The following KIAA0319 variants were observed in gnomAD, a reference collection of about 807,000 sequenced individuals.
KIAA0319 encodes dyslexia-associated protein KIAA0319.
Under a neutral mutation model 108.4 loss-of-function variants are expected in KIAA0319, and 83 were observed. The observed-to-expected ratio is 0.77, with a 90% CI of 0.64 to 0.92. KIAA0319 has a LOEUF of 0.92. KIAA0319 is among the 40% of genes least tolerant of loss of function. KIAA0319 has a pLI of 0.00. For missense variants in KIAA0319, 1,195 were observed against 1,322.4 expected (o/e 0.90, Z 1.49); for synonymous variants, 484 against 510.4 (o/e 0.95, Z 0.70).
chr6:24,572,699 C>T lies in KIAA0319; in HGVS notation c.1735-1G>A, dbSNP rs1561963824. ...AATGAAGGTATGGCGTCTGTACTCC[C>T]TAAGTAATAGCAAATACAAAAATAA... On this transcript the variant is annotated splice_acceptor_variant, in intron 10 of 20. Coordinates refer to ENST00000378214, the MANE Select transcript of KIAA0319 (RefSeq NM_014809.4). LOFTEE classifies it high-confidence loss of function. 6.3e-7 allele frequency: 1 copy of T among 1,599,562 alleles called. No homozygotes were observed. Among genetic ancestry groups the T allele is most frequent in the Non-Finnish European group, 8.5e-7 (1 of 1,175,918 alleles).
intron 16 of KIAA0319, among the ~76,000 whole-genome samples, chr6:24,561,359 G>A (rs1763071895): frequency 6.6e-6 from 1 of 152,092 alleles, no homozygotes; most frequent in African/African-American, 2.4e-5. Flanking sequence ...GAAGCCATCT[G>A]GTCTTGAATT....
intron 19 of KIAA0319, among the ~76,000 whole-genome samples, chr6:24,553,795 C>T (rs534855914): frequency 6.6e-6 from 1 of 152,322 alleles, no homozygotes; most frequent in East Asian, 1.9e-4. Context: ...GTTCAGGGAG[C>T]TTCTGGACAG....
rs1379940065 is a variant in KIAA0319 at position 24,645,811 on chromosome 6, T to A, written c.-181A>T. 1 of 149,668 alleles carries A rather than the reference T, an allele frequency of 6.7e-6. No individual in the cohort carries two copies. Among genetic ancestry groups the A allele is most frequent in the Non-Finnish European group, 1.5e-5 (1 of 68,096 alleles). 9.3% of individuals were successfully genotyped at this position (149,668 alleles called of 1,614,324 possible). ...CCCTGAGCATCACTCGCCGTCCCAC[T>A]TGTTCCTCCTCGTCGTCATCGCAGG... is the stretch of plus-strand genomic sequence containing the variant. On this transcript the variant is annotated 5_prime_UTR_variant, in exon 1 of 21. The change creates a new upstream start codon in the 5' untranslated region. Transcript: ENST00000378214.
chr6:24,554,161 C>T (rs548990904), intron 19 of KIAA0319, among the ~76,000 whole-genome samples: 6 of 152,270 alleles, frequency 3.9e-5, no homozygotes, highest in African/African-American at 1.4e-4. Context: ...TTGGAGGACA[C>T]CCAGCTGGTG....
intron 1 of KIAA0319, among the ~76,000 whole-genome samples, chr6:24,623,953 T>C (rs1034694503): frequency 5.9e-5 from 9 of 151,604 alleles, no homozygotes; most frequent in Non-Finnish European, 1.2e-4. Flanking sequence ...TTAAAAACTT[T>C]AATATATACA....
chr6:24,607,432 G>GTT (rs771155351), intron 1 of KIAA0319, among the ~76,000 whole-genome samples: 4 of 148,420 alleles, frequency 2.7e-5, no homozygotes, highest in Admixed American at 2.7e-4. Flanking sequence ...TTGTTTTTCG[G>GTT]TTTTTTTTTT....
In KIAA0319 at chr6:24,599,688, T is replaced by A. The variant is rs1009908617; in HGVS notation, c.55+1361A>T. 2.5e-5 allele frequency: 15 copies of A among 605,980 alleles called. No individual in the cohort carries two copies. Among genetic ancestry groups the A allele is most frequent in the Non-Finnish European group, 4.0e-5 (13 of 327,810 alleles). The allele number at this position is 605,980 out of a possible 1,614,324, so 37.5% of individuals were successfully genotyped here. ...CTTTGGCTCTGGCGGGTGCTCCAGC[T>A]CCTTCAGCAGCACCAACTCCTTCAG... On this transcript the variant is annotated intron_variant, in intron 2 of 20. Transcript: ENST00000378214. The surrounding 1 kb of genome is among the most constrained non-coding windows in gnomAD (Gnocchi z 4.1).
chr6:24,553,266 G>C (rs1375189562), intron 19 of KIAA0319, among the ~76,000 whole-genome samples: 1 of 130,150 alleles, frequency 7.7e-6, no homozygotes, highest in Non-Finnish European at 1.5e-5. Flanking sequence ...TTAGGTACTT[G>C]TGAGATAGAT....
chr6:24,640,977 C>T lies in KIAA0319; in HGVS notation c.-106+4759G>A, dbSNP rs146646180. ...CCCATTTTAACCATTTTTAAATATA[C>T]AATTTAGCAGCAACCATCATCACTA... On this transcript the variant is annotated intron_variant, in intron 1 of 20. Transcript: ENST00000378214. Among the ~76,000 whole-genome samples the T allele has an allele frequency of 2.0e-3, 303 of 152,192 alleles. 3 individuals are homozygous for T. Among genetic ancestry groups the T allele is most frequent in the African/African-American group, 7.0e-3 (290 of 41,540 alleles).
intron 1 of KIAA0319, among the ~76,000 whole-genome samples, chr6:24,624,447 T>G (rs1246174544): frequency 6.6e-6 from 1 of 152,122 alleles, no homozygotes; most frequent in Non-Finnish European, 1.5e-5. Flanking sequence ...AAATAAAAAT[T>G]TTTTTGGAGG....
Position 24,559,107 on chromosome 6 carries a change from G to A in KIAA0319, c.2640C>T (p.Leu880=). ...YVQSRPPFKV[L]KAAEVARNLH... is the part of the protein sequence containing the mutation. ...GATTTCGGGCCACTTCAGCAGCTTTGAGAACCTTGAAAGGCGGCCTGCTCT... is the reference window on the plus strand; with the variant it reads ...GATTTCGGGCCACTTCAGCAGCTTTAAGAACCTTGAAAGGCGGCCTGCTCT... Residue 880 remains leucine, a synonymous_variant, in exon 17 of 21, where the codon CTC becomes CTT. Coordinates refer to ENST00000378214, the MANE Select transcript of KIAA0319 (RefSeq NM_014809.4). 1 of 1,613,720 alleles carries A rather than the reference G, an allele frequency of 6.2e-7. No individual in the cohort carries two copies. Among genetic ancestry groups the A allele is most frequent in the East Asian group, 2.2e-5 (1 of 44,876 alleles).
At chr6:24,605,711 T>C (rs988700732) in intron 1 of KIAA0319, among the ~76,000 whole-genome samples, 2 of 152,172 alleles carry the variant, frequency 1.3e-5, no homozygotes, top group African/African-American at 4.8e-5. Flanking sequence ...TGAAAGGAAA[T>C]GTCCCCCCAT....
At chr6:24,552,616 T>C (rs1346380448) in intron 19 of KIAA0319, among the ~76,000 whole-genome samples, 3 of 152,180 alleles carry the variant, frequency 2.0e-5, no homozygotes, top group African/African-American at 4.8e-5. Flanking sequence ...ATACACTCCT[T>C]TTTTTTGAGA....
intron 1 of KIAA0319, among the ~76,000 whole-genome samples, chr6:24,632,005 T>C (rs951166250): frequency 2.0e-5 from 3 of 152,234 alleles, no homozygotes; most frequent in Non-Finnish European, 2.9e-5. Context: ...AAACCTGAGA[T>C]TGTCCCATCT....
intron 1 of KIAA0319, among the ~76,000 whole-genome samples, chr6:24,628,085 T>C (rs1774963451): frequency 6.6e-6 from 1 of 152,220 alleles, no homozygotes; most frequent in African/African-American, 2.4e-5. Context: ...CTGGAAAGCA[T>C]GTCCTAATAA....
intron 1 of KIAA0319, among the ~76,000 whole-genome samples, chr6:24,626,884 G>C (rs1172404998): frequency 6.6e-6 from 1 of 152,142 alleles, no homozygotes; most frequent in Non-Finnish European, 1.5e-5. Flanking sequence ...CCAGAAGCTA[G>C]GCGGCTTCTG....
chr6:24,607,084 G>A (rs559975416), intron 1 of KIAA0319, among the ~76,000 whole-genome samples: 3 of 152,300 alleles, frequency 2.0e-5, no homozygotes, highest in African/African-American at 4.8e-5. Context: ...GGCCAGGTGC[G>A]GTGGCTCATG....
chr6:24,630,703 A>G (rs1449434745), intron 1 of KIAA0319, among the ~76,000 whole-genome samples: 1 of 60,790 alleles, frequency 1.6e-5, no homozygotes, highest in Non-Finnish European at 3.2e-5. Context: ...ATATATATAT[A>G]CACATATACA....
At chr6:24,645,403 T>C in intron 1 of KIAA0319, among the ~76,000 whole-genome samples, 1 of 152,202 alleles carries the variant, frequency 6.6e-6, no homozygotes, top group East Asian at 1.9e-4. Flanking sequence ...CAGGTTATGG[T>C]AAGGAACAGA....
Sources: gnomAD v4.1 joint callset for allele counts (sites outside exome capture counted in the v4.1 genomes callset) on GRCh38, gnomAD v4.1.1 for gene constraint, Gnocchi (gnomAD v3.1) non-coding constraint, MANE v1.5 for transcripts, NCBI Gene and HGNC (gene_info 2026-07-23, HGNC 2026-07-21) for gene names.